The following RIMS1 variants were observed in gnomAD, a reference collection of about 807,000 sequenced individuals.
The protein encoded by RIMS1 is regulating synaptic membrane exocytosis 1.
RIMS1 carries 83 observed loss-of-function variants against 214.1 expected under a neutral mutation model. The observed-to-expected ratio is 0.39, with a 90% confidence interval of 0.32 to 0.47. RIMS1 has a LOEUF of 0.47. Among genes scored for constraint, RIMS1 ranks in the 20% least tolerant of loss-of-function variants. RIMS1 has a pLI of 0.99. For synonymous variants in RIMS1, 793 were observed against 786.8 expected, an observed-to-expected ratio of 1.01 and a Z score of -0.13; for missense variants, 2,050 against 2,161.8, an observed-to-expected ratio of 0.95 and a Z score of 1.03.
At chr6:72,164,992 C>T (rs1431729327) in intron 4 of RIMS1, among the ~76,000 whole-genome samples, 1 of 152,162 alleles carries the variant, frequency 6.6e-6, no homozygotes, top group Non-Finnish European at 1.5e-5. Flanking sequence ...GTGACAATAA[C>T]TTTAAATTCA....
chr6:71,986,854 A>T (rs1248470377), intron 2 of RIMS1, among the ~76,000 whole-genome samples: 1 of 152,248 alleles, frequency 6.6e-6, no homozygotes, highest in Non-Finnish European at 1.5e-5. Context: ...CTTTTGACTC[A>T]GTAAAAATGT....
intron 6 of RIMS1, chr6:72,217,044 G>A: frequency 6.9e-7 from 1 of 1,447,988 alleles, no homozygotes; most frequent in East Asian, 2.6e-5. Flanking sequence ...CTTTGATTTA[G>A]AATGCAAGGA....
At chr6:72,311,196 G>C (rs1336434283) in intron 27 of RIMS1, among the ~76,000 whole-genome samples, 1 of 152,122 alleles carries the variant, frequency 6.6e-6, no homozygotes, top group East Asian at 1.9e-4. Flanking sequence ...CATGGGCAAG[G>C]TATCATCCCA....
chr6:71,933,809 A>G (rs1206331413), intron 1 of RIMS1, among the ~76,000 whole-genome samples: 1 of 152,132 alleles, frequency 6.6e-6, no homozygotes, highest in Admixed American at 6.5e-5. Flanking sequence ...CAGTCGTTCC[A>G]GAGCTGATAC....
intron 2 of RIMS1, among the ~76,000 whole-genome samples, chr6:72,092,291 C>CCTT (rs1554220984): frequency 2.8e-5 from 3 of 108,010 alleles, no homozygotes; most frequent in African/African-American, 6.3e-5. Context: ...CTCCCTCCCT[C>CCTT]CCTTCCTTCC....
chr6:71,921,784 GA>G, intron 1 of RIMS1, among the ~76,000 whole-genome samples: 1 of 152,208 alleles, frequency 6.6e-6, no homozygotes, highest in Non-Finnish European at 1.5e-5. Flanking sequence ...CAACCATAAA[GA>G]AACCTATTTT....
chr6:72,187,728 G>A (rs1042391485), intron 6 of RIMS1, among the ~76,000 whole-genome samples: 4 of 152,134 alleles, frequency 2.6e-5, no homozygotes, highest in East Asian at 1.9e-4. Context: ...TCCTGACCTC[G>A]TGATCCGCCC....
chr6:71,974,224 A>G (rs756410026), intron 2 of RIMS1, among the ~76,000 whole-genome samples: 4 of 152,008 alleles, frequency 2.6e-5, no homozygotes, highest in Non-Finnish European at 5.9e-5. Context: ...ATGCCAAGGT[A>G]ACATAAAATT....
chr6:72,006,330 A>C (rs978445208), intron 2 of RIMS1, among the ~76,000 whole-genome samples: 1 of 152,220 alleles, frequency 6.6e-6, no homozygotes, highest in African/African-American at 2.4e-5. Context: ...AGATAACATT[A>C]AAGTTGAGAC....
chr6:72,283,148 C>T (rs1476308013), intron 23 of RIMS1, among the ~76,000 whole-genome samples: 1 of 151,888 alleles, frequency 6.6e-6, no homozygotes, highest in Non-Finnish European at 1.5e-5. Flanking sequence ...GAAAAATAAG[C>T]TTAATTTGTA....
intron 6 of RIMS1, among the ~76,000 whole-genome samples, chr6:72,227,890 CAG>C (rs1300076067): frequency 1.3e-5 from 2 of 151,842 alleles, no homozygotes; most frequent in African/African-American, 2.4e-5. Context: ...GAGAAAGACA[CAG>C]GGGATGTTCT....
chr6:72,147,292 A>T (rs950561866), intron 4 of RIMS1, among the ~76,000 whole-genome samples: 3 of 152,228 alleles, frequency 2.0e-5, no homozygotes, highest in Admixed American at 1.3e-4. Context: ...ACACATATAT[A>T]ACTACACAGA....
At chr6:72,172,396 A>G (rs529254377) in intron 4 of RIMS1, among the ~76,000 whole-genome samples, 2 of 152,318 alleles carry the variant, frequency 1.3e-5, no homozygotes, top group African/African-American at 2.4e-5. Context: ...TCTTTTGACT[A>G]TTCTCCAACT....
At chr6:72,367,792 A>G (rs1484214253) in intron 29 of RIMS1, among the ~76,000 whole-genome samples, 2 of 152,210 alleles carry the variant, frequency 1.3e-5, no homozygotes, top group African/African-American at 2.4e-5. Flanking sequence ...ACTTCTTTCT[A>G]AAAGAACTGT....
intron 10 of RIMS1, among the ~76,000 whole-genome samples, chr6:72,243,464 T>G (rs1050665111): frequency 1.3e-4 from 19 of 151,796 alleles, no homozygotes; most frequent in African/African-American, 4.1e-4. Flanking sequence ...TGTTGTACAT[T>G]TCCATGTAGA....
chr6:72,387,253 C>T (rs1349445655), intron 29 of RIMS1, among the ~76,000 whole-genome samples: 2 of 152,196 alleles, frequency 1.3e-5, no homozygotes, highest in Non-Finnish European at 2.9e-5. Context: ...AACTGTTTCT[C>T]CTCCAGTTTT....
chr6:72,375,017 G>A (rs548041274), intron 29 of RIMS1, among the ~76,000 whole-genome samples: 13 of 152,266 alleles, frequency 8.5e-5, no homozygotes, highest in Admixed American at 7.2e-4. Flanking sequence ...GTCAGGAGGC[G>A]GAGCTCAGGC....
chr6:72,264,947 C>G, intron 19 of RIMS1, 28 bp from the exon 20 acceptor site: 1 of 1,463,514 alleles, frequency 6.8e-7, no homozygotes, highest in Non-Finnish European at 9.4e-7. Context: ...TTTTCTGTTT[C>G]CTGCGTGTTT....
At chr6:72,198,753 A>G (rs1327430896) in intron 6 of RIMS1, among the ~76,000 whole-genome samples, 7 of 151,966 alleles carry the variant, frequency 4.6e-5, no homozygotes, top group Non-Finnish European at 1.0e-4. Flanking sequence ...GGGTGTAACA[A>G]AATAGTACAT....
Sources: gnomAD v4.1 joint callset for allele counts (sites outside exome capture counted in the v4.1 genomes callset) on GRCh38, gnomAD v4.1.1 for gene constraint, MANE v1.5 for transcripts, NCBI Gene and HGNC (gene_info 2026-07-23, HGNC 2026-07-21) for gene names.